The following DMD variants were observed in gnomAD, a reference collection of about 807,000 sequenced individuals.
DMD encodes mutant dystrophin.
Under a neutral mutation model 330.1 loss-of-function variants are expected in DMD, and 63 were observed. The ratio of observed to expected loss-of-function variants is 0.19; its 90% CI spans 0.16 to 0.24. The LOEUF (loss-of-function observed/expected upper bound fraction) is 0.24. Among genes scored for constraint, DMD ranks in the 10% least tolerant of loss-of-function variants. The pLI is 1.00. For synonymous variants in DMD, 1,223 were observed against 959.8 expected (o/e 1.27, Z -5.07); for missense variants, 3,344 against 2,684.1 (o/e 1.25, Z -5.43).
rs3040110 is a variant in DMD at position 32,297,274 on chromosome X, A to T, written c.6118-9573T>A. On this transcript the variant is annotated intron_variant, in intron 42 of 78. Coordinates refer to ENST00000357033, the MANE Select transcript of DMD (RefSeq NM_004006.3). The stretch of plus-strand genomic sequence containing the variant: ...TTATTTATTTATTTATTTATTTATT[A>T]TTTATTTATTTATTTTGGAGACAGA... Among the ~76,000 whole-genome samples the T allele has an allele frequency of 2.4e-4, 17 of 71,466 alleles. No homozygotes were observed. The East Asian group carries it at 5.6e-3, about 24-fold the overall frequency. The allele number at this position is 71,466 out of a possible 115,157, so 62.1% of individuals were successfully genotyped here.
intron 1 of DMD, among the ~76,000 whole-genome samples, chrX:33,303,018 T>A (rs2053689857): frequency 8.9e-6 from 1 of 111,955 alleles, no homozygotes; most frequent in Non-Finnish European, 1.9e-5. Flanking sequence ...ATTGTTGAAA[T>A]CATATAGTAT....
chrX:31,668,030 C>G (rs749610609), intron 53 of DMD, among the ~76,000 whole-genome samples: 68 of 111,482 alleles, frequency 6.1e-4, no homozygotes, highest in Non-Finnish European at 1.0e-3. Context: ...ATGATGTTAA[C>G]CATCTTTTCA....
chrX:32,804,977 C>A (rs1229033977), intron 7 of DMD, among the ~76,000 whole-genome samples: 1 of 111,890 alleles, frequency 8.9e-6, no homozygotes, highest in Non-Finnish European at 1.9e-5. Flanking sequence ...TGTCAAAGAT[C>A]AAAGGTAGAT....
chrX:32,815,647 C>CT (rs1235995011), intron 6 of DMD, among the ~76,000 whole-genome samples: 15 of 107,904 alleles, frequency 1.4e-4, no homozygotes, highest in Non-Finnish European at 2.3e-4. Context: ...CACTGCTTTG[C>CT]TTTTTCTTGA....
At chrX:31,551,180 G>GAAAAAAAAAAAAAAAA (rs202051079) in intron 55 of DMD, among the ~76,000 whole-genome samples, 1 of 67,368 alleles carries the variant, frequency 1.5e-5, no homozygotes. Context: ...CTCCATCTCG[G>GAAAAAAAAAAAAAAAA]GAAAAAAAAA....
chrX:32,017,494 G>A (rs1468711424), intron 44 of DMD, among the ~76,000 whole-genome samples: 1 of 112,048 alleles, frequency 8.9e-6, no homozygotes, highest in Non-Finnish European at 1.9e-5. Context: ...GTGGAAATAA[G>A]GGGGATGGGA....
chrX:32,027,164 G>GCACACACACACACATACACACACA (rs1557075785), intron 44 of DMD, among the ~76,000 whole-genome samples: 59 of 89,517 alleles, frequency 6.6e-4, no homozygotes, highest in African/African-American at 2.5e-3. Flanking sequence ...ACACGCACGT[G>GCACACACACACACATACACACACA]CACACACACA....
intron 55 of DMD, among the ~76,000 whole-genome samples, chrX:31,555,324 T>C (rs893949463): frequency 9.0e-6 from 1 of 111,309 alleles, no homozygotes; most frequent in African/African-American, 3.3e-5. Context: ...AGAAGATAAG[T>C]AGTTAGCAAG....
intron 11 of DMD, among the ~76,000 whole-genome samples, chrX:32,618,881 G>T (rs2057785221): frequency 9.0e-6 from 1 of 111,090 alleles, no homozygotes; most frequent in African/African-American, 3.3e-5. Flanking sequence ...AATCAGTACA[G>T]GCATCATGGA....
intron 21 of DMD, among the ~76,000 whole-genome samples, chrX:32,473,495 C>A (rs1055422430): frequency 9.0e-6 from 1 of 111,298 alleles, no homozygotes; most frequent in African/African-American, 3.3e-5. Flanking sequence ...TTATCTAAAT[C>A]ATATTATTTT....
intron 1 of DMD, among the ~76,000 whole-genome samples, chrX:33,258,078 C>T (rs889020750): frequency 9.0e-6 from 1 of 111,253 alleles, no homozygotes. Context: ...GTCCTACTGA[C>T]GTAATAAATA....
chrX:31,169,708 C>T, intron 73 of DMD, 107 bp from the exon 74 acceptor site: 1 of 772,039 alleles, frequency 1.3e-6, no homozygotes, highest in Non-Finnish European at 1.9e-6. Context: ...TTGCTCTTAA[C>T]AATTAATTAG....
intron 41 of DMD, among the ~76,000 whole-genome samples, chrX:32,313,304 C>T (rs914958011): frequency 9.0e-6 from 1 of 111,316 alleles, no homozygotes; most frequent in Admixed American, 9.6e-5. Context: ...AAAAAAACCA[C>T]ATGATTATCT....
chrX:33,125,527 G>C (rs1417572032), intron 1 of DMD, among the ~76,000 whole-genome samples: 1 of 110,975 alleles, frequency 9.0e-6, no homozygotes, highest in African/African-American at 3.3e-5. Context: ...TAATCTAAAC[G>C]TTGCGCCCCA....
Position 32,895,844 on chromosome X carries a change from CGTGTGTGTGT to C in DMD, c.94-46034_94-46025del, listed in dbSNP as rs5902042. On this transcript the variant is annotated intron_variant, in intron 2 of 78. Transcript: ENST00000357033. The stretch of plus-strand genomic sequence containing the variant: ...GAGCTGGCTGCTGGCTTGGAATGAA[CGTGTGTGTGT>C]GTGTGTGTGTGTGTGTGTGTGTAGT... Among the ~76,000 whole-genome samples, 665 of 99,793 alleles carry C rather than the reference CGTGTGTGTGT, an allele frequency of 6.7e-3. 2 individuals are homozygous for C. Among genetic ancestry groups the C allele is most frequent in the Middle Eastern group, 0.059 (11 of 187 alleles). 86.7% of individuals were successfully genotyped at this position (99,793 alleles called of 115,157 possible).
chrX:31,179,051 C>T (rs751619547), intron 69 of DMD, among the ~76,000 whole-genome samples: 1 of 111,944 alleles, frequency 8.9e-6, no homozygotes, highest in East Asian at 2.8e-4. Flanking sequence ...CACCTCAACA[C>T]GTTGTTATGA....
At chrX:32,899,390 C>A (rs16990749) in intron 2 of DMD, among the ~76,000 whole-genome samples, 1,691 of 110,853 alleles carry the variant, frequency 0.015, 26 homozygotes, top group African/African-American at 0.053. Flanking sequence ...GTACTTAATT[C>A]TACGGCCGGG....
In DMD at chrX:32,324,752, T is replaced by A. The variant is rs1411943369; in HGVS notation, c.5923-14476A>T. Among the ~76,000 whole-genome samples the A allele has an allele frequency of 4.5e-5, 5 of 111,698 alleles. No individual in the cohort carries two copies. The East Asian group carries it at 1.4e-3, about 31-fold the overall frequency. On this transcript the variant is annotated intron_variant, in intron 41 of 78. Transcript: ENST00000357033. ...TTGTTAGATTAAAATAGACAAAAAA[T>A]ACAAATAAAAAACAAGAATAGAGGT... is the stretch of plus-strand genomic sequence containing the variant.
At chrX:32,928,631 T>C (rs766123102) in intron 2 of DMD, among the ~76,000 whole-genome samples, 44 of 112,098 alleles carry the variant, frequency 3.9e-4, no homozygotes, top group Non-Finnish European at 7.1e-4. Flanking sequence ...CTTGCAATGA[T>C]TTGTCTTCTA....
Sources: gnomAD v4.1 joint callset for allele counts (sites outside exome capture counted in the v4.1 genomes callset) on GRCh38, gnomAD v4.1.1 for gene constraint, MANE v1.5 for transcripts, NCBI Gene and HGNC (gene_info 2026-07-23, HGNC 2026-07-21) for gene names.